CHD1L: variants seen among roughly 807,000 people sequenced by gnomAD.
CHD1L encodes chromodomain helicase DNA binding protein 1 like, also known as ATP-dependent chromatin remodeler CHD1L.
CHD1L carries 118 observed loss-of-function variants against 115.9 expected under a neutral mutation model. That is an observed-to-expected ratio of 1.02 (90% CI 0.88 to 1.19). CHD1L has a LOEUF of 1.19. CHD1L is among the 50% of genes most tolerant of loss of function. CHD1L has a pLI of 0.00. For synonymous variants in CHD1L, 411 were observed against 387.1 expected (o/e 1.06, Z -0.72); for missense variants, 1,179 against 1,065.3 (o/e 1.11, Z -1.49).
At chr1:147,254,656 T>A (rs1669485857) in intron 2 of CHD1L, among the ~76,000 whole-genome samples, 1 of 152,210 alleles carries the variant, frequency 6.6e-6, no homozygotes, top group East Asian at 1.9e-4. Context: ...CTGAAGTAAT[T>A]GAGTTCCATA....
At chr1:147,216,840 A>G in the CHD1L span, among the ~76,000 whole-genome samples, 5 of 152,230 alleles carry the variant, frequency 3.3e-5, no homozygotes, top group African/African-American at 1.2e-4. Context: ...TCTTCATGTG[A>G]TTCAGAATTC....
chr1:147,209,144 G>A, the CHD1L span: 5 of 1,095,238 alleles, frequency 4.6e-6, no homozygotes, highest in Non-Finnish European at 6.5e-6. Context: ...TTCAGGCCCG[G>A]CGCGGTGGCT....
intron 15 of CHD1L, among the ~76,000 whole-genome samples, chr1:147,281,346 C>G (rs1305317321): frequency 1.3e-5 from 2 of 152,154 alleles, no homozygotes; most frequent in Non-Finnish European, 2.9e-5. Context: ...GCCTGACTGT[C>G]TACTCTAGTG....
At chr1:147,271,130 G>C in intron 11 of CHD1L, 125 bp downstream of exon 11, 1 of 849,904 alleles carries the variant, frequency 1.2e-6, no homozygotes, top group Non-Finnish European at 1.8e-6. Context: ...ACATTATTCA[G>C]AACCAAAAAA....
chr1:147,226,929 C>A, the CHD1L span, among the ~76,000 whole-genome samples: 2 of 151,540 alleles, frequency 1.3e-5, no homozygotes, highest in Non-Finnish European at 2.9e-5. Flanking sequence ...ATCTCCTGGG[C>A]TCAATCTACC....
chr1:147,229,365 T>C, the CHD1L span, among the ~76,000 whole-genome samples: 1 of 152,196 alleles, frequency 6.6e-6, no homozygotes, highest in Non-Finnish European at 1.5e-5. Context: ...TCCATTGATC[T>C]ATATCTCTGT....
At chr1:147,215,769 C>T in the CHD1L span, 28 of 1,606,324 alleles carry the variant, frequency 1.7e-5, no homozygotes, top group Non-Finnish European at 2.4e-5. Flanking sequence ...ATCGAATATA[C>T]TTTAGAAGGT....
At chr1:147,233,588 G>A in the CHD1L span, among the ~76,000 whole-genome samples, 2 of 152,190 alleles carry the variant, frequency 1.3e-5, no homozygotes, top group African/African-American at 4.8e-5. Context: ...ACCCCGTCTG[G>A]GAGGTGCACC....
chr1:147,201,403 G>T, the CHD1L span: 9 of 1,614,012 alleles, frequency 5.6e-6, no homozygotes, highest in African/African-American at 1.2e-4. Context: ...AAATATGGCA[G>T]CTGTCTCCGT....
rs111649862 is a variant in CHD1L at position 147,275,117 on chromosome 1, C to T, written c.1271-237C>T. On this transcript the variant is annotated intron_variant, in intron 12 of 22. Coordinates refer to ENST00000369258, the MANE Select transcript of CHD1L (RefSeq NM_004284.6). ...CCACCTTGGCCACTTGCCCCTGCTC[C>T]GCTCATTCTGTTCCATTCAGTAATA... Among the ~76,000 whole-genome samples, 150 of 152,316 alleles carry T rather than the reference C, an allele frequency of 9.8e-4. 1 individual carries two copies. The highest frequency in any genetic ancestry group is 1.6e-3 in the Non-Finnish European group (108 of 68,038).
At chr1:147,193,681 T>C in the CHD1L span, among the ~76,000 whole-genome samples, 1 of 152,190 alleles carries the variant, frequency 6.6e-6, no homozygotes. Flanking sequence ...GCTTTAAATG[T>C]GTTCCAGAGA....
chr1:147,225,187 C>T, the CHD1L span: 2 of 1,462,076 alleles, frequency 1.4e-6, no homozygotes, highest in South Asian at 2.8e-5. Context: ...ACAGATTCGA[C>T]GGTCCTCTTC....
the CHD1L span, among the ~76,000 whole-genome samples, chr1:147,217,522 TG>T: frequency 7.9e-5 from 12 of 152,240 alleles, no homozygotes; most frequent in Admixed American, 4.6e-4. Flanking sequence ...GGAGAGTGTT[TG>T]TTGTTTGTTG....
chr1:147,230,745 T>C, the CHD1L span, among the ~76,000 whole-genome samples: 23 of 149,930 alleles, frequency 1.5e-4, no homozygotes, highest in African/African-American at 5.2e-4. Flanking sequence ...TGGGAGGGTG[T>C]ATGTGTTGAG....
chr1:147,253,766 G>C (rs1228085603), intron 2 of CHD1L, among the ~76,000 whole-genome samples: 1 of 152,228 alleles, frequency 6.6e-6, no homozygotes, highest in African/African-American at 2.4e-5. Flanking sequence ...CCAAAGTGCT[G>C]GGATTACAGG....
intron 8 of CHD1L, among the ~76,000 whole-genome samples, chr1:147,267,124 C>CT (rs1674248087): frequency 6.6e-6 from 1 of 152,144 alleles, no homozygotes; most frequent in South Asian, 2.1e-4. Flanking sequence ...TCAAATTGCA[C>CT]TTTTTTGTCC....
At position 147,280,556 on chromosome 1, in the gene CHD1L, A is replaced by G. The variant is rs587670317; in HGVS notation, c.1705+365A>G. ...TTTGCACATAGCGATTCCTCTTCTA[A>G]ACAGTAGAATTACTTGTTTTTAAAA... On this transcript the variant is annotated intron_variant, in intron 15 of 22. Coordinates refer to ENST00000369258, the MANE Select transcript of CHD1L (RefSeq NM_004284.6). Among the ~76,000 whole-genome samples the G allele has an allele frequency of 5.3e-5, 8 of 152,312 alleles. No homozygotes were observed. In the South Asian group the frequency reaches 1.7e-3, roughly 32 times the overall value.
At chr1:147,196,353 G>T in the CHD1L span, among the ~76,000 whole-genome samples, 1 of 151,922 alleles carries the variant, frequency 6.6e-6, no homozygotes, top group Non-Finnish European at 1.5e-5. Context: ...GGTCTCTTCG[G>T]ATACTCAAAA....
chr1:147,186,937 G>T, the CHD1L span: 3 of 1,614,080 alleles, frequency 1.9e-6, no homozygotes, highest in South Asian at 3.3e-5. Context: ...GAAGGCAAGA[G>T]CTAGCATAAA....
Sources: allele counts gnomAD v4.1 joint callset (sites outside exome capture counted in the v4.1 genomes callset), GRCh38; gene constraint gnomAD v4.1.1; transcripts MANE v1.5; gene names NCBI Gene and HGNC (gene_info 2026-07-23, HGNC 2026-07-21).